PTPRD: variants seen among roughly 807,000 people sequenced by gnomAD.
PTPRD encodes the protein protein tyrosine phosphatase receptor type D.
A neutral mutation model predicts 214.5 loss-of-function variants in PTPRD; 34 were observed. The observed-to-expected ratio is 0.16, with a 90% CI of 0.12 to 0.21. The LOEUF is 0.21. Among genes scored for constraint, PTPRD ranks in the 10% least tolerant of loss-of-function variants. The probability of loss-of-function intolerance (pLI) is 1.00; values close to 1 mark genes in which losing one functional copy is unlikely to be tolerated. For synonymous variants in PTPRD, 1,128 were observed against 845.7 expected (o/e 1.33, Z -5.79); for missense variants, 2,545 against 2,398.7 (o/e 1.06, Z -1.27).
At chr9:8,792,148 A>G (rs987524730) in intron 11 of PTPRD, among the ~76,000 whole-genome samples, 1 of 152,154 alleles carries the variant, frequency 6.6e-6, no homozygotes, top group African/African-American at 2.4e-5. Flanking sequence ...CAGAGGGTAG[A>G]TTGAGGGGAT....
intron 3 of PTPRD, among the ~76,000 whole-genome samples, chr9:10,111,296 T>A: frequency 8.1e-6 from 1 of 122,734 alleles, no homozygotes; most frequent in South Asian, 2.9e-4. Context: ...TGGAGTGCAG[T>A]GGCGGGATCT....
At chr9:9,364,662 G>C (rs1459359395) in intron 9 of PTPRD, among the ~76,000 whole-genome samples, 5 of 151,332 alleles carry the variant, frequency 3.3e-5, no homozygotes, top group Admixed American at 6.6e-5. Flanking sequence ...AATGGAGGGA[G>C]AAAGGAAAAC....
intron 2 of PTPRD, among the ~76,000 whole-genome samples, chr9:10,501,476 G>A (rs569989564): frequency 6.6e-6 from 1 of 151,938 alleles, no homozygotes; most frequent in African/African-American, 2.4e-5. Context: ...GTCCTATTCT[G>A]TGGGCTGTGT....
chr9:8,720,374 C>T (rs1183054242), intron 12 of PTPRD, among the ~76,000 whole-genome samples: 1 of 152,158 alleles, frequency 6.6e-6, no homozygotes, highest in East Asian at 1.9e-4. Context: ...GGTGTACTAC[C>T]ACTTCTGCAC....
chr9:9,344,814 T>C (rs1471057847), intron 9 of PTPRD, among the ~76,000 whole-genome samples: 2 of 152,106 alleles, frequency 1.3e-5, no homozygotes, highest in Non-Finnish European at 2.9e-5. Context: ...AGAAAAGTTC[T>C]ACTTGAAACA....
intron 11 of PTPRD, among the ~76,000 whole-genome samples, chr9:8,982,840 T>G (rs2099320248): frequency 6.6e-6 from 1 of 152,034 alleles, no homozygotes; most frequent in Admixed American, 6.6e-5. Context: ...AGAAGCTCCT[T>G]TTTGAGACTA....
At position 10,584,736 on chromosome 9, in the gene PTPRD, T is replaced by A. The variant is rs534772637; in HGVS notation, c.-600+27662A>T. Among the ~76,000 whole-genome samples, 19 of 152,318 alleles carry A rather than the reference T, an allele frequency of 1.2e-4. No homozygotes were observed. The South Asian group carries it at 3.9e-3, about 32-fold the overall frequency. ...GACAAAAAGCCAGATCTTGTTTACCTGTTCAAAGAAGCGATGTACAGTTGG... is the reference window on the plus strand; with the variant it reads ...GACAAAAAGCCAGATCTTGTTTACCAGTTCAAAGAAGCGATGTACAGTTGG... On this transcript the variant is annotated intron_variant, in intron 2 of 45. Coordinates refer to ENST00000381196, the MANE Select transcript of PTPRD (RefSeq NM_002839.4).
intron 11 of PTPRD, among the ~76,000 whole-genome samples, chr9:8,934,548 A>G (rs2098983476): frequency 8.2e-6 from 1 of 122,250 alleles, no homozygotes; most frequent in African/African-American, 3.2e-5. Context: ...AAACCATAAG[A>G]TGTCTTGATA....
intron 14 of PTPRD, among the ~76,000 whole-genome samples, chr9:8,631,420 C>A (rs1230385271): frequency 1.3e-5 from 2 of 151,678 alleles, no homozygotes; most frequent in Admixed American, 6.6e-5. Context: ...TGGTAGCTGA[C>A]TTGATTGCTT....
intron 9 of PTPRD, among the ~76,000 whole-genome samples, chr9:9,235,198 T>A (rs2099965785): frequency 6.6e-6 from 1 of 152,086 alleles, no homozygotes; most frequent in African/African-American, 2.4e-5. Context: ...CATCATATCT[T>A]ATGCAAACCC....
chr9:9,735,343 A>C (rs1345854509), intron 6 of PTPRD, among the ~76,000 whole-genome samples: 1 of 152,154 alleles, frequency 6.6e-6, no homozygotes, highest in Non-Finnish European at 1.5e-5. Flanking sequence ...AAAGGAGATT[A>C]TTCTTTAAAC....
rs75396241 is a variant in PTPRD, at chr9:8,755,866, T to C, written c.-103-21920A>G. On this transcript the variant is annotated intron_variant, in intron 11 of 45. Coordinates refer to ENST00000381196, the MANE Select transcript of PTPRD (RefSeq NM_002839.4). ...TGACCAGCCCAAAGCACTGAGACTCTAAAGACTGATTTCAGTAACTAGCCT... is the reference window on the plus strand; with the variant it reads ...TGACCAGCCCAAAGCACTGAGACTCCAAAGACTGATTTCAGTAACTAGCCT... Among the ~76,000 whole-genome samples the C allele has an allele frequency of 9.4e-3, 1,438 of 152,322 alleles. 28 individuals carry two copies. Among genetic ancestry groups the C allele is most frequent in the African/African-American group, 0.032 (1,349 of 41,578 alleles).
At chr9:9,716,366 C>G (rs1267988085) in intron 7 of PTPRD, among the ~76,000 whole-genome samples, 1 of 151,418 alleles carries the variant, frequency 6.6e-6, no homozygotes, top group Non-Finnish European at 1.5e-5. Flanking sequence ...TGGGTATATA[C>G]CCAGTAATGG....
chr9:9,664,196 AT>A (rs2096672669), intron 7 of PTPRD, among the ~76,000 whole-genome samples: 2 of 151,522 alleles, frequency 1.3e-5, no homozygotes, highest in African/African-American at 2.4e-5. Context: ...AATTAAAAAA[AT>A]AAATAAAAAC....
At chr9:9,239,672 C>T (rs1290497952) in intron 9 of PTPRD, among the ~76,000 whole-genome samples, 4 of 152,098 alleles carry the variant, frequency 2.6e-5, no homozygotes, top group Non-Finnish European at 4.4e-5. Context: ...GGCAGATGGC[C>T]ATGGTACAGC....
intron 7 of PTPRD, among the ~76,000 whole-genome samples, chr9:9,629,797 T>C (rs2095534525): frequency 6.6e-6 from 1 of 152,052 alleles, no homozygotes; most frequent in South Asian, 2.1e-4. Flanking sequence ...TTAAAAAGAA[T>C]TACCCAAAAC....
chr9:9,947,578 TATATATATTATATATATA>T (rs1566624574), intron 4 of PTPRD, among the ~76,000 whole-genome samples: 1,012 of 50,702 alleles, frequency 0.02, 146 homozygotes, highest in African/African-American at 0.1. Context: ...ATATATATTA[TATATATATTATATATATA>T]ATATATATAT....
At chr9:10,395,421 A>G (rs2098149547) in intron 2 of PTPRD, among the ~76,000 whole-genome samples, 1 of 151,740 alleles carries the variant, frequency 6.6e-6, no homozygotes, top group Non-Finnish European at 1.5e-5. Flanking sequence ...TCCCTTTTAC[A>G]AAGGCTTCTG....
At chr9:8,904,428 T>C (rs1163751481) in intron 11 of PTPRD, among the ~76,000 whole-genome samples, 1 of 152,150 alleles carries the variant, frequency 6.6e-6, no homozygotes, top group East Asian at 1.9e-4. Context: ...TTCAAGCATT[T>C]TGAGAGACTG....
Sources: gnomAD v4.1 joint callset for allele counts (sites outside exome capture counted in the v4.1 genomes callset) on GRCh38, gnomAD v4.1.1 for gene constraint, MANE v1.5 for transcripts, NCBI Gene and HGNC (gene_info 2026-07-23, HGNC 2026-07-21) for gene names.